APOB: variants seen among roughly 807,000 people sequenced by gnomAD.
The protein encoded by APOB is apolipoprotein B, also known as apolipoprotein B-100.
In APOB, 153 loss-of-function variants were observed where a neutral mutation model predicts 314.1. The ratio of observed to expected loss-of-function variants is 0.49; its 90% CI spans 0.43 to 0.56. The LOEUF (loss-of-function observed/expected upper bound fraction) is 0.56. Among genes scored for constraint, APOB ranks in the 20% least tolerant of loss-of-function variants. The pLI, the probability that APOB is intolerant of heterozygous loss-of-function variation, is 0.00. For synonymous variants in APOB, 2,087 were observed against 2,036.4 expected (o/e 1.02, Z -0.67); for missense variants, 5,430 against 5,350.7 (o/e 1.01, Z -0.46).
Position 21,008,508 on chromosome 2 carries a change from G to A in APOB, c.8360C>T (p.Ala2787Val). The A allele has an allele frequency of 6.2e-7, 1 of 1,614,050 alleles. No homozygotes were observed. The highest frequency in any genetic ancestry group is 8.5e-7 in the Non-Finnish European group (1 of 1,179,968). ...GGCAGTGATGGAAGCTGCGATACCTGCTTCGTTTGCTGAGGTGGTTCCATT... is the reference window on the plus strand; with the variant it reads ...GGCAGTGATGGAAGCTGCGATACCTACTTCGTTTGCTGAGGTGGTTCCATT... Reference protein sequence around the residue: ...IGNGTTSANEAGIAASITAKG... With the variant: ...IGNGTTSANEVGIAASITAKG... The change falls in exon 26 of 29, where the codon GCA (alanine) becomes GTA (valine). Residue 2787 changes from alanine to valine, a missense_variant. Transcript: ENST00000233242.
chr2:21,001,734 A>G lies in APOB; in HGVS notation c.13688T>C (p.Leu4563Pro). Residue 4563 changes from leucine to proline, a missense_variant, in exon 29 of 29, where the codon CTC (leucine) becomes CCC (proline). Physicochemically the swap from Leu to Pro is moderately conservative, Grantham distance 98. Coordinates refer to ENST00000233242, the MANE Select transcript of APOB (RefSeq NM_000384.3). ...KLAPGELTII[L>P] The stretch of plus-strand genomic sequence containing the variant: ...ATGAAGATTTCTTTTAAAAAATTAG[A>G]GGATGATAGTAAGTTCTCCTGGAGC... 6.2e-7 allele frequency: 1 copy of G among 1,613,644 alleles called. No homozygotes were observed. The highest frequency in any genetic ancestry group is 8.5e-7 in the Non-Finnish European group (1 of 1,179,770).
chr2:21,013,112 G>T, intron 25 of APOB, 48 bp downstream of exon 25: 2 of 1,611,784 alleles, frequency 1.2e-6, no homozygotes, highest in East Asian at 2.2e-5. Flanking sequence ...TCCTCTTAGA[G>T]CCTGCCATGA....
In APOB at chr2:21,029,650, G is replaced by C. The variant is rs760504695; in HGVS notation, c.1606C>G (p.Pro536Ala). Residue 536 changes from proline to alanine, a missense_variant, in exon 12 of 29, where the codon CCT (proline) becomes GCT (alanine). By Grantham distance (27) the Pro-to-Ala change is conservative. Transcript: ENST00000233242. Reference protein sequence around the residue: ...AAIQALRKMEPKDKDQEVLLQ... With the variant: ...AAIQALRKMEAKDKDQEVLLQ... ...CTTGTGGACTTTACCTTGTCTTTAG[G>C]CTCCATTTTCCGCAGAGCCTGGATG... 3 of 1,614,050 alleles carry C rather than the reference G, an allele frequency of 1.9e-6. No homozygotes were observed. Among genetic ancestry groups the C allele is most frequent in the East Asian group, 2.2e-5 (1 of 44,876 alleles).
chr2:21,006,091 G>C lies in APOB; in HGVS notation c.10777C>G (p.Pro3593Ala), dbSNP rs780710019. ...TGAACAAGAGCTGACATTTGCCATGGAGAGAGTTCCAGGGTGGCTTTGCTT... is the reference window on the plus strand; with the variant it reads ...TGAACAAGAGCTGACATTTGCCATGCAGAGAGTTCCAGGGTGGCTTTGCTT... ...HTSKATLELS[P>A]WQMSALVQVH... The change falls in exon 26 of 29, where the codon CCA becomes GCA. Residue 3593 changes from proline to alanine, a missense_variant. Physicochemically the swap from Pro to Ala is conservative, Grantham distance 27. Coordinates refer to ENST00000233242, the MANE Select transcript of APOB (RefSeq NM_000384.3). The C allele has an allele frequency of 3.1e-5, 50 of 1,613,894 alleles. No individual in the cohort carries two copies. Among genetic ancestry groups the C allele is most frequent in the Non-Finnish European group, 4.2e-5 (49 of 1,179,952 alleles).
chr2:21,040,793 G>A (rs1431776516), intron 4 of APOB, 145 bp downstream of exon 4: 1 of 865,354 alleles, frequency 1.2e-6, no homozygotes, highest in African/African-American at 1.7e-5. Context: ...TCTTTTTGAT[G>A]ATTGTGAAAA....
chr2:21,008,393 C>G lies in APOB; in HGVS notation c.8475G>C (p.Lys2825Asn), dbSNP rs192491009. Residue 2825 changes from lysine (K) to asparagine (N), a missense_variant, in exon 26 of 29, where the codon AAG becomes AAC. This residue lies in a region of APOB where 3,281 missense variants were observed against 3,171.0 expected (regional missense o/e 1.03). Transcript: ENST00000233242. The part of the protein sequence containing the change: ...SNPKINPLAL[K>N]ESVKFSSKYL... The stretch of plus-strand genomic sequence containing the variant: ...ACTTGCTGGAGAACTTCACTGACTC[C>G]TTCAGAGCCAGCGGATTAATCTTAG... 1.9e-6 allele frequency: 3 copies of G among 1,614,064 alleles called. No individual in the cohort carries two copies.
chr2:21,019,616 G>C (rs1663548931), intron 19 of APOB, 107 bp downstream of exon 19: 2 of 1,199,674 alleles, frequency 1.7e-6, no homozygotes, highest in African/African-American at 3.0e-5. Context: ...AACCCAGAAG[G>C]CTAGTGACAG....
Position 21,005,435 on chromosome 2 carries a change from A to C in APOB, c.11433T>G (p.Phe3811Leu). 1.4e-5 allele frequency: 22 copies of C among 1,614,058 alleles called. No individual in the cohort carries two copies. The highest frequency in any genetic ancestry group is 1.8e-5 in the Non-Finnish European group (21 of 1,179,948). The part of the protein sequence containing the change: ...SQPEDSLIPF[F>L]EITVPESQLT... ...ACTGAGATTCAGGCACGGTTATCTC[A>C]AAAAAGGGAATCAAGGAGTCTTCTG... Residue 3811 changes from phenylalanine to leucine, a missense_variant, in exon 26 of 29, where the codon TTT (phenylalanine) becomes TTG (leucine). Transcript: ENST00000233242.
intron 2 of APOB, 125 bp downstream of exon 2, chr2:21,043,388 G>T: frequency 8.9e-7 from 1 of 1,126,700 alleles, no homozygotes; most frequent in Non-Finnish European, 1.3e-6. Context: ...TTGCTTCCTG[G>T]GGTCAGAGCA....
Position 21,027,032 on chromosome 2 carries a change from C to T in APOB, c.2068-68G>A, listed in dbSNP as rs1663746957. 4.3e-6 allele frequency: 6 copies of T among 1,411,542 alleles called. No individual in the cohort carries two copies. The Admixed American group carries it at 8.6e-5, about 20-fold the overall frequency. 87.4% of individuals were successfully genotyped at this position (1,411,542 alleles called of 1,614,324 possible). Reference sequence around the variant, plus strand: ...TGTTGTATGCCAGCCTAGTAGTCCCCACTCTTGATGTCCATTTATCTAAAC... The same window carrying T: ...TGTTGTATGCCAGCCTAGTAGTCCCTACTCTTGATGTCCATTTATCTAAAC... On this transcript the variant is annotated intron_variant, in intron 14 of 28. Coordinates refer to ENST00000233242, the MANE Select transcript of APOB (RefSeq NM_000384.3).
intron 9 of APOB, 103 bp downstream of exon 9, chr2:21,033,196 T>C: frequency 1.2e-6 from 1 of 849,336 alleles, no homozygotes; most frequent in Non-Finnish European, 2.0e-6. Context: ...ATTAACTGGA[T>C]TGATATCCAA....
chr2:21,028,037 T>C lies in APOB; in HGVS notation c.1858A>G (p.Lys620Glu), dbSNP rs192869978. The change falls in exon 14 of 29, where the codon AAA (lysine) becomes GAA (glutamate). Residue 620 changes from lysine (K) to glutamate (E), a missense_variant. Around this residue, in one of 3 missense-constraint regions of APOB, gnomAD observed 2,085 missense variants for 2,079.7 expected, o/e 1.00. Transcript: ENST00000233242. Reference protein sequence around the residue: ...DLKKLVKEALKESQLPTVMDF... With the variant: ...DLKKLVKEALEESQLPTVMDF... ...ATGACAGTTGGAAGTTGAGATTCTT[T>C]CAGAGCTTCTTTCACTAACTTTTTC... 3.1e-6 allele frequency: 5 copies of C among 1,613,282 alleles called. No individual in the cohort carries two copies. The African/African-American group carries it at 6.7e-5, about 21-fold the overall frequency.
At chr2:21,038,566 C>T (rs976447639) in intron 4 of APOB, among the ~76,000 whole-genome samples, 2 of 152,174 alleles carry the variant, frequency 1.3e-5, no homozygotes, top group Non-Finnish European at 2.9e-5. Flanking sequence ...AAACTCCTGA[C>T]CTCAGGTGAT....
chr2:21,027,865 AG>A lies in APOB; in HGVS notation c.2029del (p.Leu677SerfsTer58). ...LPKESMLKTT[L>X]TAFGFASADL... ...AGCTGAAGCAAATCCAAAGGCAGTGAGGGTAGTTTTCAGCATGCTTTCTTTA... is the reference window on the plus strand; with the variant it reads ...AGCTGAAGCAAATCCAAAGGCAGTGAGGTAGTTTTCAGCATGCTTTCTTTA... On this transcript the variant is annotated frameshift_variant, in exon 14 of 29. Transcript: ENST00000233242. LOFTEE classifies it high-confidence loss of function. The A allele has an allele frequency of 1.2e-6, 2 of 1,614,076 alleles. No individual in the cohort carries two copies. Among genetic ancestry groups the A allele is most frequent in the Non-Finnish European group, 1.7e-6 (2 of 1,179,954 alleles).
chr2:21,007,305 T>C lies in APOB; in HGVS notation c.9563A>G (p.Asn3188Ser). Residue 3188 changes from asparagine to serine, a missense_variant, in exon 26 of 29, where the codon AAT (asparagine) becomes AGT (serine). Physicochemically the swap from Asn to Ser is conservative, Grantham distance 46. This residue lies in a region of APOB where 3,281 missense variants were observed against 3,171.0 expected (regional missense o/e 1.03). Coordinates refer to ENST00000233242, the MANE Select transcript of APOB (RefSeq NM_000384.3). ...KKNKHRHSIT[N>S]PLAVLCEFIS... ...AAACTCACAAAGCACAGCCAAAGGA[T>C]TTGTGATGGAATGCCTGTGTTTGTT... 2 of 1,613,958 alleles carry C rather than the reference T, an allele frequency of 1.2e-6. No individual in the cohort carries two copies. Among genetic ancestry groups the C allele is most frequent in the Non-Finnish European group, 1.7e-6 (2 of 1,179,944 alleles).
intron 18 of APOB, among the ~76,000 whole-genome samples, chr2:21,020,258 A>G (rs2103367725): frequency 6.6e-6 from 1 of 152,316 alleles, no homozygotes; most frequent in South Asian, 2.1e-4. Flanking sequence ...GCAGGGCAAG[A>G]GAAACTGTCT....
In APOB at chr2:21,004,335, G is replaced by T. The variant is rs145498491; in HGVS notation, c.12021C>A (p.Gly4007=). Reference sequence around the variant, plus strand: ...CTTCATCCATATCCATGCCCACGGTGCCTACGGCTGGGGAGGCTGCTGAGG... The same window carrying T: ...CTTCATCCATATCCATGCCCACGGTTCCTACGGCTGGGGAGGCTGCTGAGG... ...ISTSAASPAV[G]TVGMDMDEDD... Residue 4007 remains glycine (G), a synonymous_variant, in exon 28 of 29, where the codon GGC becomes GGA. Coordinates refer to ENST00000233242, the MANE Select transcript of APOB (RefSeq NM_000384.3). 9.0e-5 allele frequency: 145 copies of T among 1,613,862 alleles called. No homozygotes were observed. The highest frequency in any genetic ancestry group is 1.2e-4 in the Non-Finnish European group (141 of 1,179,928).
rs372282063 is a variant in APOB at position 21,011,830 on chromosome 2, C to T, written c.5038G>A (p.Ala1680Thr). The change falls in exon 26 of 29, where the codon GCA becomes ACA. Residue 1680 changes from alanine (A) to threonine (T), a missense_variant. Around this residue, in one of 3 missense-constraint regions of APOB, gnomAD observed 2,085 missense variants for 2,079.7 expected, o/e 1.00. Transcript: ENST00000233242. The stretch of plus-strand genomic sequence containing the variant: ...CCATTTGTTGTTAATTTCATAGATG[C>T]CCCAGAGAGGCCAAGCTCTGCATTC... ...ELNAELGLSG[A>T]SMKLTTNGRF... The T allele has an allele frequency of 6.2e-7, 1 of 1,614,088 alleles. No homozygotes were observed. Among genetic ancestry groups the T allele is most frequent in the Non-Finnish European group, 8.5e-7 (1 of 1,180,014 alleles).
chr2:21,007,098 T>A lies in APOB; in HGVS notation c.9770A>T (p.Asn3257Ile). The change falls in exon 26 of 29, where the codon AAT becomes ATT. Residue 3257 changes from asparagine (N) to isoleucine (I), a missense_variant. Coordinates refer to ENST00000233242, the MANE Select transcript of APOB (RefSeq NM_000384.3). ...QIPGYTVPVV[N>I]VEVSPFTIEM... ...TATGGTGAATGGAGACACTTCAACA[T>A]TGACAACTGGAACAGTGTATCCAGG... 5 of 1,614,046 alleles carry A rather than the reference T, an allele frequency of 3.1e-6. No individual in the cohort carries two copies. The highest frequency in any genetic ancestry group is 4.2e-6 in the Non-Finnish European group (5 of 1,179,942).
Sources: gnomAD v4.1 joint callset for allele counts (sites outside exome capture counted in the v4.1 genomes callset) on GRCh38, gnomAD v4.1.1 for gene constraint, gnomAD v4.1.1 regional missense constraint, MANE v1.5 for transcripts, NCBI Gene and HGNC (gene_info 2026-07-23, HGNC 2026-07-21) for gene names.